Variants in PDE10A observed in about 807,000 individuals in gnomAD.
PDE10A encodes the protein cAMP and cAMP-inhibited cGMP 3',5'-cyclic phosphodiesterase 10A.
PDE10A carries 39 observed loss-of-function variants against 97.7 expected under a neutral mutation model. The ratio of observed to expected loss-of-function variants is 0.40; its 90% CI spans 0.31 to 0.52. The LOEUF (loss-of-function observed/expected upper bound fraction) is 0.52, where lower values mean the gene tolerates loss of function less well. Ranked by LOEUF, PDE10A falls within the 20% of genes least tolerant of loss-of-function variation. The pLI is 0.56. For synonymous variants in PDE10A, 371 were observed against 376.8 expected (o/e 0.98, Z 0.18); for missense variants, 731 against 1,047.8 (o/e 0.70, Z 4.17).
At chr6:165,519,508 C>A (rs1782010108) in intron 2 of PDE10A, among the ~76,000 whole-genome samples, 1 of 151,624 alleles carries the variant, frequency 6.6e-6, no homozygotes, top group Non-Finnish European at 1.5e-5. Context: ...GAAGGCTGAG[C>A]AGAGGAAAGA....
At chr6:165,364,215 G>C (rs1053933194) in intron 18 of PDE10A, among the ~76,000 whole-genome samples, 1 of 152,150 alleles carries the variant, frequency 6.6e-6, no homozygotes, top group Admixed American at 6.5e-5. Flanking sequence ...GTTAGTATTT[G>C]GAGGTGGGAC....
intron 1 of PDE10A, among the ~76,000 whole-genome samples, chr6:165,687,192 G>A (rs1017147346): frequency 6.6e-6 from 1 of 152,186 alleles, no homozygotes; most frequent in Non-Finnish European, 1.5e-5. Flanking sequence ...CTCTGCCTGC[G>A]TCATGCCAGC....
At chr6:165,450,086 G>C (rs546534302) in intron 4 of PDE10A, among the ~76,000 whole-genome samples, 156 bp downstream of exon 4, 36 of 152,220 alleles carry the variant, frequency 2.4e-4, no homozygotes, top group African/African-American at 7.5e-4. Flanking sequence ...CTCACCTCTG[G>C]TAGTTTCATA....
At position 165,943,165 on chromosome 6, in the gene PDE10A, A is replaced by AG. The variant is rs1339560008; in HGVS notation, c.-615+44363_-615+44364insC. On this transcript the variant is annotated intron_variant, in intron 1 of 19. Coordinates refer to the PDE10A transcript ENST00000366882. ...GAGGAGAGAGAGAGAGAGAGAGAAG[A>AG]AAGAAAGAAAAAAGAAAGAAAGAAA... 3.5e-4 allele frequency among the ~76,000 whole-genome samples: 30 copies of AG among 85,026 alleles called. 1 individual carries two copies. The highest frequency in any genetic ancestry group is 1.4e-3 in the African/African-American group (26 of 19,156). 55.8% of individuals were successfully genotyped at this position (85,026 alleles called of 152,430 possible). A position where few individuals can be genotyped will look rare whatever the true frequency, so the allele number is the denominator to read the frequency against.
rs866098913 is a variant in PDE10A, at chr6:165,450,443, T to C, written c.1024-81A>G. 1.5e-5 allele frequency: 9 copies of C among 615,828 alleles called. No individual in the cohort carries two copies. The Middle Eastern group carries it at 8.8e-4, about 60-fold the overall frequency. 38.1% of individuals were successfully genotyped at this position (615,828 alleles called of 1,614,324 possible). A position where few individuals can be genotyped will look rare whatever the true frequency, so the allele number is the denominator to read the frequency against. ...ATTCCTTAGTCTGTAAGACATACTA[T>C]TAATATATGTGACTTAATATACTAA... On this transcript the variant is annotated intron_variant, in intron 3 of 21. Coordinates refer to ENST00000539869, the MANE Select transcript of PDE10A (RefSeq NM_001385079.1).
intron 1 of PDE10A, among the ~76,000 whole-genome samples, chr6:165,924,318 T>C (rs1782856848): frequency 6.6e-6 from 1 of 152,138 alleles, no homozygotes; most frequent in Non-Finnish European, 1.5e-5. Context: ...AAATTCATGG[T>C]CTCCATGTTG....
chr6:165,508,678 C>T (rs1406230510), intron 2 of PDE10A, among the ~76,000 whole-genome samples: 43 of 151,974 alleles, frequency 2.8e-4, no homozygotes, highest in Non-Finnish European at 2.9e-5. Context: ...AGGGCCTCCA[C>T]ATCCTTGACA....
intron 3 of PDE10A, among the ~76,000 whole-genome samples, chr6:165,479,172 C>T (rs1207135656): frequency 6.6e-6 from 1 of 152,106 alleles, no homozygotes; most frequent in Non-Finnish European, 1.5e-5. Flanking sequence ...AGCCTGTCTG[C>T]TCTTTCTTCT....
At chr6:165,532,723 CA>C (rs1782856694) in intron 2 of PDE10A, among the ~76,000 whole-genome samples, 1 of 152,142 alleles carries the variant, frequency 6.6e-6, no homozygotes, top group Non-Finnish European at 1.5e-5. Context: ...AGGTGATGTT[CA>C]TGTTACTGGT....
rs1562791916 is a variant in PDE10A, at chr6:165,906,007, CCT to C, written c.-615+81520_-615+81521del. The stretch of plus-strand genomic sequence containing the variant: ...TCCTTCCTTCCTTCCTTCCTTCCTT[CCT>C]TCCTTCCCTCCCTCCCTTCCTTCCT... On this transcript the variant is annotated intron_variant, in intron 1 of 19. Coordinates refer to the PDE10A transcript ENST00000366882. Among the ~76,000 whole-genome samples, 53 of 48,604 alleles carry C rather than the reference CCT, an allele frequency of 1.1e-3. 1 individual carries two copies. The highest frequency in any genetic ancestry group is 1.9e-3 in the South Asian group (2 of 1,078). The allele number at this position is 48,604 out of a possible 152,430, so 31.9% of individuals were successfully genotyped here. A position where few individuals can be genotyped will look rare whatever the true frequency, so the allele number is the denominator to read the frequency against.
At chr6:165,966,854 T>G (rs747277188) in intron 1 of PDE10A, among the ~76,000 whole-genome samples, 24 of 151,652 alleles carry the variant, frequency 1.6e-4, no homozygotes, top group Non-Finnish European at 1.5e-4. Flanking sequence ...CTTACAAAAC[T>G]GCACACAATA....
At chr6:165,348,518 CAT>C (rs1040916879) in intron 18 of PDE10A, among the ~76,000 whole-genome samples, 29 of 152,278 alleles carry the variant, frequency 1.9e-4, no homozygotes, top group Non-Finnish European at 3.5e-4. Context: ...CCAGACATGA[CAT>C]TTGTTTTTAG....
rs879790600 is a variant in PDE10A, at chr6:165,742,781, G to T, written c.-614-199213C>A. ...ATCACTGCCTGAGCCTCTCAGCTGT[G>T]CTCTTCCACCCCCTACGTCCCACTG... On this transcript the variant is annotated intron_variant, in intron 1 of 19. Coordinates refer to the PDE10A transcript ENST00000366882. Among the ~76,000 whole-genome samples, 30 of 152,144 alleles carry T rather than the reference G, an allele frequency of 2.0e-4. No individual in the cohort carries two copies. In the Middle Eastern group the frequency reaches 0.01, roughly 52 times the overall value.
chr6:165,618,755 G>T (rs1031059273), intron 1 of PDE10A, among the ~76,000 whole-genome samples: 1 of 152,150 alleles, frequency 6.6e-6, no homozygotes, highest in Non-Finnish European at 1.5e-5. Flanking sequence ...CCCTCCTCTT[G>T]TAAGAAACCT....
chr6:165,731,523 G>C (rs1007253603), intron 1 of PDE10A, among the ~76,000 whole-genome samples: 2 of 152,224 alleles, frequency 1.3e-5, no homozygotes, highest in South Asian at 2.1e-4. Flanking sequence ...GGCTGGAGCA[G>C]AATAGAAAGA....
intron 2 of PDE10A, among the ~76,000 whole-genome samples, chr6:165,533,828 T>C (rs1403883587): frequency 8.0e-6 from 1 of 125,542 alleles, no homozygotes; most frequent in Non-Finnish European, 1.9e-5. Context: ...CAGAAATCAA[T>C]ATAGTTTGCA....
intron 1 of PDE10A, among the ~76,000 whole-genome samples, chr6:165,746,445 TCAA>T (rs1401920362): frequency 3.3e-5 from 5 of 152,166 alleles, no homozygotes; most frequent in African/African-American, 1.2e-4. Flanking sequence ...CATTCTTACA[TCAA>T]CAACAATTCA....
chr6:165,410,119 T>C (rs220761), intron 13 of PDE10A, among the ~76,000 whole-genome samples: 104,218 of 151,932 alleles, frequency 0.69, 36,365 homozygotes, highest in Middle Eastern at 0.83. Flanking sequence ...AATGACTTTT[T>C]CCCACATCCC....
At chr6:165,699,222 T>A (rs1419791437) in intron 1 of PDE10A, among the ~76,000 whole-genome samples, 1 of 152,164 alleles carries the variant, frequency 6.6e-6, no homozygotes, top group Non-Finnish European at 1.5e-5. Flanking sequence ...TAAACTTTAA[T>A]ACAAAAAATG....
Sources: allele counts gnomAD v4.1 joint callset (sites outside exome capture counted in the v4.1 genomes callset), GRCh38; gene constraint gnomAD v4.1.1; transcripts MANE v1.5; gene names NCBI Gene and HGNC (gene_info 2026-07-23, HGNC 2026-07-21).